Variants in ATRNL1 observed in about 807,000 individuals in gnomAD.
ATRNL1 encodes attractin like 1.
In ATRNL1, 95 loss-of-function variants were observed where a neutral mutation model predicts 182.7. The observed-to-expected ratio is 0.52, with a 90% confidence interval of 0.44 to 0.62. ATRNL1 has a LOEUF of 0.62. ATRNL1 is among the 20% of genes least tolerant of loss of function. ATRNL1 has a pLI of 0.00. For synonymous variants in ATRNL1, 576 were observed against 568.3 expected, an observed-to-expected ratio of 1.01 and a Z score of -0.19; for missense variants, 1,471 against 1,679.5, an observed-to-expected ratio of 0.88 and a Z score of 2.17.
intron 27 of ATRNL1, among the ~76,000 whole-genome samples, chr10:115,795,791 A>G (rs563880555): frequency 6.6e-6 from 1 of 152,138 alleles, no homozygotes; most frequent in East Asian, 1.9e-4. Context: ...ACCACTGGAA[A>G]CCACCCCCAT....
At chr10:115,417,357 A>G (rs1565020071) in intron 20 of ATRNL1, among the ~76,000 whole-genome samples, 1 of 152,180 alleles carries the variant, frequency 6.6e-6, no homozygotes, top group Non-Finnish European at 1.5e-5. Context: ...ACAAAACCCC[A>G]GAGGGAGACT....
intron 28 of ATRNL1, among the ~76,000 whole-genome samples, chr10:115,868,822 CTTTTTTTTTTTT>C (rs67676674): frequency 1.7e-5 from 1 of 58,084 alleles, no homozygotes; most frequent in African/African-American, 6.0e-5. Context: ...AGTCTTTATT[CTTTTTTTTTTTT>C]TTTTTTTTTT....
At chr10:115,511,942 C>T (rs7920316) in intron 24 of ATRNL1, among the ~76,000 whole-genome samples, 107,279 of 151,622 alleles carry the variant, frequency 0.71, 39,150 homozygotes, top group African/African-American at 0.81. Context: ...AATTGTGTCA[C>T]TAATCAGTCT....
At position 115,903,380 on chromosome 10, in the gene ATRNL1, G is replaced by A. The variant is rs576313584; in HGVS notation, c.4019-41278G>A. On this transcript the variant is annotated intron_variant, in intron 28 of 28. Coordinates refer to ENST00000355044, the MANE Select transcript of ATRNL1 (RefSeq NM_207303.4). ...GCTTTAGCTGCTTAAATCAGGCTCA[G>A]GAGCATTATATTTTGCCTCCAGTCT... Among the ~76,000 whole-genome samples the A allele has an allele frequency of 2.6e-5, 4 of 152,226 alleles. No homozygotes were observed. The South Asian group carries it at 8.3e-4, about 32-fold the overall frequency.
intron 9 of ATRNL1, among the ~76,000 whole-genome samples, chr10:115,229,349 G>A (rs781935356): frequency 6.6e-6 from 1 of 151,924 alleles, no homozygotes; most frequent in Non-Finnish European, 1.5e-5. Flanking sequence ...TTTGGAAAGC[G>A]ATAGAGGTTA....
intron 26 of ATRNL1, among the ~76,000 whole-genome samples, chr10:115,719,615 A>G (rs1947357631): frequency 6.6e-6 from 1 of 152,178 alleles, no homozygotes; most frequent in Non-Finnish European, 1.5e-5. Flanking sequence ...GTTAGCAAAC[A>G]TTAGAAATTT....
intron 10 of ATRNL1, among the ~76,000 whole-genome samples, chr10:115,263,846 T>C (rs1363533905): frequency 2.0e-5 from 3 of 151,766 alleles, no homozygotes; most frequent in African/African-American, 4.8e-5. Flanking sequence ...ATAGGCATTA[T>C]GTGAAAAGTG....
At chr10:115,296,585 C>G (rs1564888800) in intron 15 of ATRNL1, among the ~76,000 whole-genome samples, 1 of 152,152 alleles carries the variant, frequency 6.6e-6, no homozygotes, top group African/African-American at 2.4e-5. Context: ...GCCCTCTTCC[C>G]CATTAATAAA....
In ATRNL1 at chr10:115,728,502, T is replaced by C. The variant is rs972366043; in HGVS notation, c.3903+1147T>C. Among the ~76,000 whole-genome samples, 3 of 152,108 alleles carry C rather than the reference T, an allele frequency of 2.0e-5. No homozygotes were observed. In the East Asian group the frequency reaches 5.8e-4, roughly 29 times the overall value. On this transcript the variant is annotated intron_variant, in intron 27 of 28. Transcript: ENST00000355044. ...TTCTCTTTTTTAAAAATGTCTTTAT[T>C]TGACTAATTTTATGTTGCCATTTTC...
Position 115,504,453 on chromosome 10 carries a change from C to A in ATRNL1, c.3655-14810C>A, listed in dbSNP as rs572974504. On this transcript the variant is annotated intron_variant, in intron 24 of 28. Coordinates refer to ENST00000355044, the MANE Select transcript of ATRNL1 (RefSeq NM_207303.4). The stretch of plus-strand genomic sequence containing the variant: ...CCACAGAATTAGAAGTTATGGTAAT[C>A]TTACTAAATTTAAGATGTATCTATT... Among the ~76,000 whole-genome samples, 100 of 151,992 alleles carry A rather than the reference C, an allele frequency of 6.6e-4. 1 individual carries two copies. The highest frequency in any genetic ancestry group is 1.2e-3 in the Admixed American group (18 of 15,242).
chr10:115,290,457 C>A (rs1852843313), intron 15 of ATRNL1, among the ~76,000 whole-genome samples: 1 of 152,122 alleles, frequency 6.6e-6, no homozygotes. Context: ...GAGCTTGAGA[C>A]CAGCCTGGCC....
intron 26 of ATRNL1, among the ~76,000 whole-genome samples, chr10:115,587,186 A>G (rs531809869): frequency 1.2e-4 from 18 of 150,682 alleles, no homozygotes; most frequent in Admixed American, 5.3e-4. Context: ...TTAAATCTGC[A>G]GAGGTTACTG....
chr10:115,877,151 G>C (rs1951718801), intron 28 of ATRNL1, among the ~76,000 whole-genome samples: 1 of 152,154 alleles, frequency 6.6e-6, no homozygotes, highest in Admixed American at 6.5e-5. Flanking sequence ...GAACAAAATT[G>C]GGAAGAAGGC....
intron 5 of ATRNL1, among the ~76,000 whole-genome samples, chr10:115,152,995 T>C (rs1449599127): frequency 4.6e-5 from 7 of 152,120 alleles, no homozygotes; most frequent in African/African-American, 1.7e-4. Flanking sequence ...TTGTCTTTGG[T>C]TCTGTTTATA....
chr10:115,201,548 C>T (rs561935083), intron 8 of ATRNL1, among the ~76,000 whole-genome samples: 204 of 152,084 alleles, frequency 1.3e-3, no homozygotes, highest in Non-Finnish European at 2.4e-3. Flanking sequence ...TGTAGATATG[C>T]GGCGTTATTT....
intron 8 of ATRNL1, among the ~76,000 whole-genome samples, chr10:115,198,091 C>T (rs534444767): frequency 9.0e-4 from 137 of 152,188 alleles, no homozygotes; most frequent in Admixed American, 1.5e-3. Flanking sequence ...TAGGAGGCTT[C>T]ATATTGTTTT....
intron 19 of ATRNL1, among the ~76,000 whole-genome samples, chr10:115,375,235 TC>T (rs1306339941): frequency 6.6e-6 from 1 of 151,468 alleles, no homozygotes; most frequent in African/African-American, 2.4e-5. Context: ...CTAATGACCT[TC>T]TTTTTGTCTA....
intron 27 of ATRNL1, among the ~76,000 whole-genome samples, chr10:115,776,882 CGCG>C (rs1555078091): frequency 6.6e-6 from 1 of 152,076 alleles, no homozygotes; most frequent in Non-Finnish European, 1.5e-5. Flanking sequence ...AAGGGCCAGG[CGCG>C]GCGGCTCACA....
intron 27 of ATRNL1, among the ~76,000 whole-genome samples, chr10:115,756,144 G>C (rs1352864621): frequency 1.3e-5 from 2 of 151,940 alleles, no homozygotes; most frequent in African/African-American, 4.8e-5. Flanking sequence ...TTTTTTTGAA[G>C]GGTTTTTCCT....
Sources: allele counts gnomAD v4.1 joint callset (sites outside exome capture counted in the v4.1 genomes callset), GRCh38; gene constraint gnomAD v4.1.1; transcripts MANE v1.5; gene names NCBI Gene and HGNC (gene_info 2026-07-23, HGNC 2026-07-21).